MAGI2: variants seen among roughly 807,000 people sequenced by gnomAD.
The protein encoded by MAGI2 is membrane-associated guanylate kinase, WW and PDZ domain-containing protein 2.
MAGI2 carries 35 observed loss-of-function variants against 133.3 expected under a neutral mutation model. That is an observed-to-expected ratio of 0.26 (90% CI 0.20 to 0.35). MAGI2 has a LOEUF of 0.35. MAGI2 is among the 10% of genes least tolerant of loss of function. MAGI2 has a pLI of 1.00. For missense variants in MAGI2, 1,636 were observed against 1,863.4 expected, an observed-to-expected ratio of 0.88 and a Z score of 2.25; for synonymous variants, 729 against 710.6, an observed-to-expected ratio of 1.03 and a Z score of -0.41.
chr7:78,655,645 A>G (rs1488552078), intron 2 of MAGI2, among the ~76,000 whole-genome samples: 3 of 152,104 alleles, frequency 2.0e-5, no homozygotes, highest in African/African-American at 7.2e-5. Context: ...TTAAACAATA[A>G]TAAAAGGAGC....
At chr7:79,203,246 C>T (rs898753683) in intron 1 of MAGI2, among the ~76,000 whole-genome samples, 2 of 152,022 alleles carry the variant, frequency 1.3e-5, no homozygotes, top group African/African-American at 2.4e-5. Context: ...TTCTTATTTG[C>T]ATTTATTTAA....
Position 78,501,564 on chromosome 7 carries a change from G to A in MAGI2, c.965+13C>T, listed in dbSNP as rs1373940277. ...CCTTTTTGGCACTGTTGAAAGAAAT[G>A]TGTGAAACTCACTCAATGAAGTAGA... On this transcript the variant is annotated intron_variant, in intron 5 of 21. Coordinates refer to ENST00000354212, the MANE Select transcript of MAGI2 (RefSeq NM_012301.4). 7 of 1,600,472 alleles carry A rather than the reference G, an allele frequency of 4.4e-6. No homozygotes were observed. The highest frequency in any genetic ancestry group is 1.7e-4 in the Middle Eastern group (1 of 6,038).
At chr7:78,821,414 T>G (rs1421937708) in intron 2 of MAGI2, among the ~76,000 whole-genome samples, 1 of 151,900 alleles carries the variant, frequency 6.6e-6, no homozygotes. Context: ...TTGATAAGTA[T>G]GGGAACAAAT....
chr7:79,353,649 G>A, intron 1 of MAGI2: 1 of 368,260 alleles, frequency 2.7e-6, no homozygotes, highest in South Asian at 2.0e-5. Context: ...GATTGGGGGT[G>A]AGCACGGGCA....
intron 9 of MAGI2, among the ~76,000 whole-genome samples, chr7:78,314,534 A>C (rs1464400654): frequency 6.6e-6 from 1 of 152,186 alleles, no homozygotes; most frequent in African/African-American, 2.4e-5. Context: ...CCTAGCCCTA[A>C]GGAGCAATGA....
intron 1 of MAGI2, among the ~76,000 whole-genome samples, chr7:79,313,687 C>T (rs1838472762): frequency 6.6e-6 from 1 of 152,078 alleles, no homozygotes; most frequent in Admixed American, 6.6e-5. Context: ...AACTGTTAGC[C>T]TTACTTTTAT....
chr7:78,513,606 A>C (rs1795788610), intron 4 of MAGI2, among the ~76,000 whole-genome samples: 1 of 152,184 alleles, frequency 6.6e-6, no homozygotes, highest in Admixed American at 6.5e-5. Context: ...GAAGAAACTT[A>C]AACATTTTCA....
intron 2 of MAGI2, among the ~76,000 whole-genome samples, chr7:78,670,653 G>T (rs1315054873): frequency 2.0e-5 from 3 of 152,036 alleles, no homozygotes; most frequent in African/African-American, 7.2e-5. Flanking sequence ...GAGGCATCAC[G>T]CTACCTGACT....
intron 2 of MAGI2, among the ~76,000 whole-genome samples, chr7:78,985,685 T>C (rs187937672): frequency 6.6e-6 from 1 of 152,190 alleles, no homozygotes; most frequent in Non-Finnish European, 1.5e-5. Flanking sequence ...AAGTCTAAAC[T>C]TTTAAAGCGC....
At chr7:78,109,650 A>AC (rs1819159663) in intron 20 of MAGI2, among the ~76,000 whole-genome samples, 1 of 152,112 alleles carries the variant, frequency 6.6e-6, no homozygotes, top group African/African-American at 2.4e-5. Flanking sequence ...ACAAAACAAA[A>AC]AAACTTGTGA....
chr7:79,274,444 C>G, intron 1 of MAGI2, among the ~76,000 whole-genome samples: 1 of 152,026 alleles, frequency 6.6e-6, no homozygotes, highest in East Asian at 1.9e-4. Flanking sequence ...GAACAACATC[C>G]GCTTCCCCAC....
rs376889563 is a variant in MAGI2, at chr7:78,415,431, T to C, written c.1046-46218A>G. On this transcript the variant is annotated intron_variant, in intron 6 of 21. Coordinates refer to ENST00000354212, the MANE Select transcript of MAGI2 (RefSeq NM_012301.4). ...CATTATCCTAACTCTGAATACATAA[T>C]ATACTAAATAGAGAGATTTTAAGAA... is the stretch of plus-strand genomic sequence containing the variant. Among the ~76,000 whole-genome samples, 488 of 152,230 alleles carry C rather than the reference T, an allele frequency of 3.2e-3. 1 individual carries two copies. Among genetic ancestry groups the C allele is most frequent in the Middle Eastern group, 0.01 (3 of 294 alleles).
At chr7:78,902,343 T>A (rs893979790) in intron 2 of MAGI2, among the ~76,000 whole-genome samples, 1 of 152,216 alleles carries the variant, frequency 6.6e-6, no homozygotes, top group African/African-American at 2.4e-5. Flanking sequence ...TTCCTATGTT[T>A]ACCTCATGAC....
At chr7:78,518,769 G>C (rs1487135437) in intron 4 of MAGI2, 1 of 152,116 alleles carries the variant, frequency 6.6e-6, no homozygotes, top group Non-Finnish European at 1.5e-5. Flanking sequence ...GTCTCACTCT[G>C]TTGCCCAGGC....
intron 20 of MAGI2, among the ~76,000 whole-genome samples, chr7:78,093,435 C>A (rs191340932): frequency 1.1e-4 from 16 of 151,842 alleles, no homozygotes; most frequent in Admixed American, 7.2e-4. Context: ...ACCTGGGCAA[C>A]AGAGTGAGAC....
At chr7:78,867,046 G>A (rs1274073302) in intron 2 of MAGI2, among the ~76,000 whole-genome samples, 1 of 149,534 alleles carries the variant, frequency 6.7e-6, no homozygotes, top group Non-Finnish European at 1.5e-5. Flanking sequence ...AACAACAGGT[G>A]CTGGAGAGGA....
intron 2 of MAGI2, among the ~76,000 whole-genome samples, chr7:78,759,234 T>G (rs1302208841): frequency 6.6e-6 from 1 of 152,144 alleles, no homozygotes; most frequent in Non-Finnish European, 1.5e-5. Flanking sequence ...AAAACTATAA[T>G]TATTTTAATA....
At chr7:78,237,448 G>C (rs1790669893) in intron 10 of MAGI2, among the ~76,000 whole-genome samples, 1 of 151,956 alleles carries the variant, frequency 6.6e-6, no homozygotes, top group Non-Finnish European at 1.5e-5. Context: ...TATTTTTATG[G>C]TATTTGAGCT....
chr7:78,933,443 G>C (rs1027716802), intron 2 of MAGI2, among the ~76,000 whole-genome samples: 23 of 152,130 alleles, frequency 1.5e-4, no homozygotes, highest in African/African-American at 5.1e-4. Context: ...AGTGACTGAA[G>C]ACACAGTTGT....
Sources: gnomAD v4.1 joint callset for allele counts (sites outside exome capture counted in the v4.1 genomes callset) on GRCh38, gnomAD v4.1.1 for gene constraint, MANE v1.5 for transcripts, NCBI Gene and HGNC (gene_info 2026-07-23, HGNC 2026-07-21) for gene names.